Variants in FBN2 observed in about 807,000 individuals in gnomAD.
FBN2 encodes fibrillin 2, also known as fibrillin-2.
In FBN2, 105 loss-of-function variants were observed where a neutral mutation model predicts 355.6. That is an observed-to-expected ratio of 0.30 (90% CI 0.25 to 0.35). The LOEUF is 0.35. Ranked by LOEUF, FBN2 falls within the 10% of genes least tolerant of loss-of-function variation. The pLI, the probability that FBN2 is intolerant of heterozygous loss-of-function variation, is 1.00. For synonymous variants in FBN2, 1,350 were observed against 1,301.2 expected (o/e 1.04, Z -0.81); for missense variants, 3,280 against 3,758.7 (o/e 0.87, Z 3.33).
At chr5:128,523,908 C>T (rs1359491722) in intron 4 of FBN2, among the ~76,000 whole-genome samples, 1 of 152,008 alleles carries the variant, frequency 6.6e-6, no homozygotes, top group Non-Finnish European at 1.5e-5. Context: ...TGGTAGCCTC[C>T]TACATGGCCC....
intron 4 of FBN2, among the ~76,000 whole-genome samples, chr5:128,525,437 T>A (rs919957876): frequency 6.6e-6 from 1 of 152,072 alleles, no homozygotes; most frequent in Non-Finnish European, 1.5e-5. Flanking sequence ...TTGTAGAAAA[T>A]GTGGGAAATA....
intron 36 of FBN2, among the ~76,000 whole-genome samples, chr5:128,316,897 G>C (rs1413498522): frequency 6.6e-6 from 1 of 152,146 alleles, no homozygotes; most frequent in African/African-American, 2.4e-5. Flanking sequence ...GGTGTAACAG[G>C]CATCAATATC....
chr5:128,359,408 C>A (rs1013259262), intron 19 of FBN2, among the ~76,000 whole-genome samples: 1 of 151,958 alleles, frequency 6.6e-6, no homozygotes, highest in Non-Finnish European at 1.5e-5. Context: ...AATAAGAAAG[C>A]GACCCAAGGG....
In FBN2 at chr5:128,537,755, C is replaced by A. The variant is rs1756899925; in HGVS notation, c.-152G>T. On this transcript the variant is annotated 5_prime_UTR_variant, in exon 1 of 65. Coordinates refer to ENST00000262464, the MANE Select transcript of FBN2 (RefSeq NM_001999.4). ...TCGGGCTCCCTGCTCTAGCTGGAGA[C>A]CTCGACAGAGCGCCGGCCCCCTGAC... 1.3e-6 allele frequency: 1 copy of A among 756,016 alleles called. No individual in the cohort carries two copies. The highest frequency in any genetic ancestry group is 1.7e-5 in the African/African-American group (1 of 57,342). 46.8% of individuals were successfully genotyped at this position (756,016 alleles called of 1,614,324 possible).
At chr5:128,407,996 CAG>C (rs780689731) in intron 8 of FBN2, among the ~76,000 whole-genome samples, 135 of 152,286 alleles carry the variant, frequency 8.9e-4, no homozygotes, top group Non-Finnish European at 1.6e-3. Flanking sequence ...GTAAAGATAA[CAG>C]TGCCTCTTTT....
chr5:128,414,506 AC>A (rs1408169397), intron 7 of FBN2, among the ~76,000 whole-genome samples: 16 of 152,176 alleles, frequency 1.1e-4, no homozygotes, highest in Admixed American at 3.9e-4. Flanking sequence ...TGGATATACC[AC>A]AGTTTATTCA....
chr5:128,290,528 GTAACTC>G (rs1749291517), intron 50 of FBN2, among the ~76,000 whole-genome samples, 198 bp downstream of exon 50: 1 of 152,148 alleles, frequency 6.6e-6, no homozygotes, highest in African/African-American at 2.4e-5. Context: ...AAATAAAAGG[GTAACTC>G]CACCTGTGCT....
chr5:128,504,877 G>A (rs933897312), intron 5 of FBN2, among the ~76,000 whole-genome samples: 1 of 152,192 alleles, frequency 6.6e-6, no homozygotes, highest in African/African-American at 2.4e-5. Context: ...TGGTTTGGCT[G>A]TGTCCCCACC....
chr5:128,537,806 C>T lies in FBN2; in HGVS notation c.-203G>A. On this transcript the variant is annotated 5_prime_UTR_variant, in exon 1 of 65. Coordinates refer to ENST00000262464, the MANE Select transcript of FBN2 (RefSeq NM_001999.4). ...TGCCCGCGAAGCGAGACGCGGGGCG[C>T]CGGGTCTAGCGCAGTGAGCGGCGAG... 1.6e-6 allele frequency: 1 copy of T among 618,566 alleles called. No individual in the cohort carries two copies. The highest frequency in any genetic ancestry group is 1.9e-5 in the South Asian group (1 of 51,398). The allele number at this position is 618,566 out of a possible 1,614,324, so 38.3% of individuals were successfully genotyped here.
chr5:128,273,542 G>A (rs536842093), intron 61 of FBN2, among the ~76,000 whole-genome samples: 5 of 152,226 alleles, frequency 3.3e-5, no homozygotes, highest in East Asian at 1.9e-4. Flanking sequence ...GTACACTACC[G>A]CAAACCATAT....
intron 6 of FBN2, among the ~76,000 whole-genome samples, chr5:128,460,510 T>A (rs953663621): frequency 2.0e-5 from 3 of 152,172 alleles, no homozygotes; most frequent in Admixed American, 2.0e-4. Flanking sequence ...AAAAACATTT[T>A]AAATTTCATA....
chr5:128,518,175 A>G (rs951664827), intron 5 of FBN2, among the ~76,000 whole-genome samples: 1 of 152,128 alleles, frequency 6.6e-6, no homozygotes, highest in Admixed American at 6.5e-5. Context: ...CCCTCTCCCC[A>G]CTGCACTGCC....
intron 19 of FBN2, among the ~76,000 whole-genome samples, chr5:128,361,244 C>G (rs953065324): frequency 6.6e-6 from 1 of 152,102 alleles, no homozygotes; most frequent in Admixed American, 6.6e-5. Flanking sequence ...GACTAAAAAC[C>G]TATTAAAGTT....
At chr5:128,414,767 C>T (rs1171764836) in intron 7 of FBN2, among the ~76,000 whole-genome samples, 3 of 152,066 alleles carry the variant, frequency 2.0e-5, no homozygotes, top group Non-Finnish European at 4.4e-5. Context: ...TGAGGGAGTC[C>T]TTCATACACA....
chr5:128,310,580 AAGC>A (rs72434874), intron 39 of FBN2, among the ~76,000 whole-genome samples: 31,592 of 151,564 alleles, frequency 0.21, 3,366 homozygotes, highest in African/African-American at 0.23. Flanking sequence ...GAGATTCTTA[AAGC>A]AGTGCAGCTG....
rs1749181973 is a variant in FBN2 at position 128,287,300 on chromosome 5, G to A, written c.6880+8C>T. 6.2e-7 allele frequency: 1 copy of A among 1,613,810 alleles called. No individual in the cohort carries two copies. Among genetic ancestry groups the A allele is most frequent in the Non-Finnish European group, 8.5e-7 (1 of 1,179,770 alleles). On this transcript the variant is annotated splice_region_variant and intron_variant, in intron 54 of 64. Transcript: ENST00000262464. ...AAGTTCGAACTACTCCCGAGTCTGA[G>A]GCCTTACCTTTGCACATCTTTTGAT...
At chr5:128,292,863 T>A (rs929587322) in intron 48 of FBN2, among the ~76,000 whole-genome samples, 5 of 152,182 alleles carry the variant, frequency 3.3e-5, no homozygotes, top group African/African-American at 1.2e-4. Context: ...ACAACTACCA[T>A]AATGATCCCT....
chr5:128,278,296 C>T (rs1765446543), intron 57 of FBN2, among the ~76,000 whole-genome samples: 3 of 152,064 alleles, frequency 2.0e-5, no homozygotes, highest in Admixed American at 2.0e-4. Flanking sequence ...GAAAGCTACC[C>T]CCTCAAAGTC....
intron 53 of FBN2, 149 bp downstream of exon 53, chr5:128,288,289 C>T: frequency 1.2e-6 from 1 of 812,720 alleles, no homozygotes; most frequent in Non-Finnish European, 1.9e-6. Context: ...AAACTAAAAA[C>T]CAACCAACCA....
Sources: allele counts gnomAD v4.1 joint callset (sites outside exome capture counted in the v4.1 genomes callset), GRCh38; gene constraint gnomAD v4.1.1; transcripts MANE v1.5; gene names NCBI Gene and HGNC (gene_info 2026-07-23, HGNC 2026-07-21).